The following FRMD4A variants were observed in gnomAD, a reference collection of about 807,000 sequenced individuals.
The protein encoded by FRMD4A is FERM domain-containing protein 4A.
Under a neutral mutation model 129.1 loss-of-function variants are expected in FRMD4A, and 29 were observed. That is an observed-to-expected ratio of 0.22 (90% CI 0.17 to 0.31). The LOEUF (loss-of-function observed/expected upper bound fraction) is 0.31. Among genes scored for constraint, FRMD4A ranks in the 10% least tolerant of loss-of-function variants. The pLI is 1.00. For missense variants in FRMD4A, 1,272 were observed against 1,375.8 expected (o/e 0.92, Z 1.19); for synonymous variants, 634 against 571.6 (o/e 1.11, Z -1.56).
At position 14,036,034 on chromosome 10, in the gene FRMD4A, C is replaced by T. The variant is rs533653056; in HGVS notation, c.46-177122G>A. On this transcript the variant is annotated intron_variant, in intron 2 of 24. Transcript: ENST00000357447. ...TCCAGCATGGGCAACAAGAGTGAAA[C>T]TCCACCTCAAAAAAAAAAAAAAAAA... 2.3e-3 allele frequency among the ~76,000 whole-genome samples: 188 copies of T among 82,772 alleles called. 2 individuals are homozygous for T. Among genetic ancestry groups the T allele is most frequent in the South Asian group, 8.6e-3 (13 of 1,520 alleles). 54.3% of individuals were successfully genotyped at this position (82,772 alleles called of 152,430 possible).
chr10:14,078,551 T>C (rs1835744746), intron 2 of FRMD4A, among the ~76,000 whole-genome samples: 1 of 152,250 alleles, frequency 6.6e-6, no homozygotes, highest in South Asian at 2.1e-4. Context: ...AGTAAGTTAC[T>C]GAGCACCTAC....
At chr10:14,223,387 G>A (rs951707263) in intron 2 of FRMD4A, among the ~76,000 whole-genome samples, 8 of 152,128 alleles carry the variant, frequency 5.3e-5, no homozygotes, top group African/African-American at 1.9e-4. Flanking sequence ...CTCTCTAGAA[G>A]GCAACAGACT....
At chr10:13,830,408 A>G (rs2093771548) in intron 3 of FRMD4A, among the ~76,000 whole-genome samples, 1 of 152,236 alleles carries the variant, frequency 6.6e-6, no homozygotes, top group African/African-American at 2.4e-5. Context: ...AACAGCAAGC[A>G]TGCATCTTTC....
At chr10:14,265,495 A>C (rs955931428) in intron 2 of FRMD4A, among the ~76,000 whole-genome samples, 4 of 152,244 alleles carry the variant, frequency 2.6e-5, no homozygotes, top group Admixed American at 6.5e-5. Flanking sequence ...AATTTTAAAA[A>C]GTAAATCATA....
At chr10:13,976,807 G>C (rs1333355320) in intron 2 of FRMD4A, among the ~76,000 whole-genome samples, 1 of 152,214 alleles carries the variant, frequency 6.6e-6, no homozygotes. Flanking sequence ...ATTGCTATCT[G>C]TTTGTAAAAA....
intron 2 of FRMD4A, among the ~76,000 whole-genome samples, chr10:14,325,401 T>G (rs1341289874): frequency 1.3e-5 from 2 of 152,182 alleles, no homozygotes; most frequent in Admixed American, 6.5e-5. Flanking sequence ...CCCAAACCAG[T>G]CTACTCCCCG....
intron 2 of FRMD4A, among the ~76,000 whole-genome samples, chr10:14,161,935 G>A (rs554146294): frequency 4.6e-5 from 7 of 151,812 alleles, no homozygotes; most frequent in African/African-American, 7.2e-5. Context: ...CAAATATTAT[G>A]TATCAATATG....
chr10:14,313,718 G>A (rs1846637664), intron 2 of FRMD4A, among the ~76,000 whole-genome samples: 1 of 152,192 alleles, frequency 6.6e-6, no homozygotes, highest in Non-Finnish European at 1.5e-5. Flanking sequence ...TCACTTTCAT[G>A]GAATGATGAC....
At chr10:14,040,156 C>T (rs548578078) in intron 2 of FRMD4A, among the ~76,000 whole-genome samples, 4 of 152,176 alleles carry the variant, frequency 2.6e-5, no homozygotes, top group South Asian at 4.2e-4. Context: ...CACAGCCAGT[C>T]GAATGACAGA....
At chr10:14,194,081 A>G (rs1842399182) in intron 2 of FRMD4A, among the ~76,000 whole-genome samples, 1 of 152,216 alleles carries the variant, frequency 6.6e-6, no homozygotes. Flanking sequence ...TGAAGACCCC[A>G]GGGGGTTTCC....
Position 13,858,755 on chromosome 10 carries a change from T to C in FRMD4A, c.111+92A>G. ...ATATTAACAGAGATTTAAAAACAGT[T>C]TACCAAATCCCCCTTCATCCCCAGC... is the stretch of plus-strand genomic sequence containing the variant. On this transcript the variant is annotated intron_variant, in intron 3 of 24. Transcript: ENST00000357447. 4 of 801,466 alleles carry C rather than the reference T, an allele frequency of 5.0e-6. No individual in the cohort carries two copies. In the South Asian group the frequency reaches 5.5e-5, roughly 11 times the overall value. The allele number at this position is 801,466 out of a possible 1,614,324, so 49.6% of individuals were successfully genotyped here.
intron 2 of FRMD4A, among the ~76,000 whole-genome samples, chr10:13,867,717 AATATAATATATAATAAATAACATATAAT>A (rs2094388228): frequency 9.2e-6 from 1 of 108,852 alleles, no homozygotes; most frequent in Non-Finnish European, 1.7e-5. Context: ...AATAACATAT[AATATAATATATAATAAATAACATATAAT>A]ATAATATATA....
chr10:14,188,964 G>A (rs763042648), intron 2 of FRMD4A, among the ~76,000 whole-genome samples: 12 of 152,210 alleles, frequency 7.9e-5, no homozygotes, highest in Non-Finnish European at 1.3e-4. Context: ...AGCTTTCCCT[G>A]AGCAACCCAG....
At chr10:14,102,577 G>A (rs1211332019) in intron 2 of FRMD4A, among the ~76,000 whole-genome samples, 1 of 152,144 alleles carries the variant, frequency 6.6e-6, no homozygotes. Context: ...ACAATGCAGT[G>A]GTTATCTCAC....
chr10:13,773,449 T>C (rs1478677583), intron 6 of FRMD4A, among the ~76,000 whole-genome samples: 1 of 152,200 alleles, frequency 6.6e-6, no homozygotes, highest in Non-Finnish European at 1.5e-5. Flanking sequence ...CTAACCTCAA[T>C]CAAGGAACTA....
chr10:14,029,471 A>G (rs1307439371), intron 2 of FRMD4A, among the ~76,000 whole-genome samples: 1 of 152,176 alleles, frequency 6.6e-6, no homozygotes, highest in Admixed American at 6.5e-5. Context: ...ATATCAACCA[A>G]TCTCTATTAA....
chr10:14,075,851 T>C (rs1835564878), intron 2 of FRMD4A, among the ~76,000 whole-genome samples: 1 of 152,200 alleles, frequency 6.6e-6, no homozygotes, highest in African/African-American at 2.4e-5. Flanking sequence ...TGCATTGTCA[T>C]AAAGCCGGAG....
intron 2 of FRMD4A, among the ~76,000 whole-genome samples, chr10:13,914,700 C>T (rs1353833458): frequency 6.6e-6 from 1 of 151,962 alleles, no homozygotes; most frequent in Non-Finnish European, 1.5e-5. Flanking sequence ...AGAAAAGCAG[C>T]ATTAAAAAAA....
intron 23 of FRMD4A, 37 bp downstream of exon 23, chr10:13,654,379 G>T (rs754563506): frequency 2.3e-6 from 3 of 1,292,666 alleles, no homozygotes; most frequent in Non-Finnish European, 3.4e-6. Context: ...ACACTCTTTC[G>T]AGCTGACACA....
Sources: gnomAD v4.1 joint callset for allele counts (sites outside exome capture counted in the v4.1 genomes callset) on GRCh38, gnomAD v4.1.1 for gene constraint, MANE v1.5 for transcripts, NCBI Gene and HGNC (gene_info 2026-07-23, HGNC 2026-07-21) for gene names.